PDZD2: variants seen among roughly 807,000 people sequenced by gnomAD.
The protein encoded by PDZD2 is PDZ domain containing 2, also known as PDZ domain-containing protein 2.
Under a neutral mutation model 220.7 loss-of-function variants are expected in PDZD2, and 90 were observed. The observed-to-expected ratio is 0.41, with a 90% CI of 0.34 to 0.49. PDZD2 has a LOEUF of 0.49. Ranked by LOEUF, PDZD2 falls within the 20% of genes least tolerant of loss-of-function variation. The pLI, the probability that PDZD2 is intolerant of heterozygous loss-of-function variation, is 0.28. For synonymous variants in PDZD2, 1,375 were observed against 1,450.5 expected (o/e 0.95, Z 1.18); for missense variants, 3,174 against 3,608.5 (o/e 0.88, Z 3.08).
chr5:31,800,234 G>A (rs539542914), intron 2 of PDZD2, among the ~76,000 whole-genome samples: 15 of 152,266 alleles, frequency 9.9e-5, no homozygotes, highest in East Asian at 1.9e-4. Context: ...TCATTACACC[G>A]AAAGGACACA....
At chr5:31,811,116 C>G (rs1415450019) in intron 2 of PDZD2, among the ~76,000 whole-genome samples, 1 of 152,142 alleles carries the variant, frequency 6.6e-6, no homozygotes. Flanking sequence ...AGCTCTGAAG[C>G]AGCTGGGACT....
At chr5:32,037,611 T>A (rs1481163117) in intron 7 of PDZD2, among the ~76,000 whole-genome samples, 3 of 152,178 alleles carry the variant, frequency 2.0e-5, no homozygotes, top group African/African-American at 7.2e-5. Flanking sequence ...GTTTGGTTCG[T>A]TTACTTCGAT....
chr5:31,852,486 A>G (rs1227432923), intron 2 of PDZD2, among the ~76,000 whole-genome samples: 1 of 151,942 alleles, frequency 6.6e-6, no homozygotes, highest in African/African-American at 2.4e-5. Flanking sequence ...GGGTTTCACC[A>G]TGTTGGCCAG....
At chr5:32,025,666 A>T (rs1754601382) in intron 6 of PDZD2, among the ~76,000 whole-genome samples, 1 of 124,368 alleles carries the variant, frequency 8.0e-6, no homozygotes, top group Admixed American at 9.6e-5. Context: ...CAGTGGCATG[A>T]TCTCGGCTCA....
At chr5:32,016,299 G>A (rs368775166) in intron 6 of PDZD2, among the ~76,000 whole-genome samples, 6 of 152,298 alleles carry the variant, frequency 3.9e-5, no homozygotes, top group African/African-American at 1.2e-4. Flanking sequence ...GGGCAGTAAG[G>A]ACTTCTGTTA....
chr5:31,982,431 C>T (rs1232215622), intron 2 of PDZD2, among the ~76,000 whole-genome samples: 1 of 152,180 alleles, frequency 6.6e-6, no homozygotes, highest in African/African-American at 2.4e-5. Context: ...CCTCAGCCTC[C>T]CGAGTAGCTG....
intron 2 of PDZD2, among the ~76,000 whole-genome samples, chr5:31,902,920 A>G (rs894626612): frequency 1.3e-5 from 2 of 151,872 alleles, no homozygotes; most frequent in African/African-American, 2.4e-5. Flanking sequence ...TTGCATGTCA[A>G]TTTCTCATTG....
At chr5:31,984,092 C>T (rs1750522729) in intron 3 of PDZD2, among the ~76,000 whole-genome samples, 1 of 152,174 alleles carries the variant, frequency 6.6e-6, no homozygotes, top group Non-Finnish European at 1.5e-5. Context: ...ATCTAAGCCT[C>T]AGTATTACAC....
At chr5:31,854,467 A>G (rs1018602506) in intron 2 of PDZD2, among the ~76,000 whole-genome samples, 1 of 152,256 alleles carries the variant, frequency 6.6e-6, no homozygotes, top group Admixed American at 6.5e-5. Context: ...GGATTTCTGG[A>G]AAGTTCCCTG....
At chr5:32,033,680 C>T (rs1207884400) in intron 6 of PDZD2, among the ~76,000 whole-genome samples, 3 of 151,664 alleles carry the variant, frequency 2.0e-5, no homozygotes, top group East Asian at 3.9e-4. Flanking sequence ...AATGCAGTGG[C>T]GCGATCTCGG....
At chr5:32,016,119 A>G (rs544414969) in intron 6 of PDZD2, among the ~76,000 whole-genome samples, 10 of 152,314 alleles carry the variant, frequency 6.6e-5, no homozygotes, top group African/African-American at 2.2e-4. Context: ...TGAGTCTGAT[A>G]TGGGTGTTTG....
At chr5:32,085,254 CTT>C (rs145147102) in intron 19 of PDZD2, among the ~76,000 whole-genome samples, 7 of 126,306 alleles carry the variant, frequency 5.5e-5, no homozygotes, top group Admixed American at 7.7e-5. Context: ...GCCCAGCTGC[CTT>C]TTTTTTTTTT....
intron 1 of PDZD2, among the ~76,000 whole-genome samples, chr5:31,649,262 C>A (rs555380198): frequency 2.4e-4 from 37 of 152,092 alleles, no homozygotes; most frequent in Middle Eastern, 3.2e-3. Context: ...GTGATTCAGG[C>A]TCCTTGCCCC....
intron 2 of PDZD2, among the ~76,000 whole-genome samples, chr5:31,896,628 AC>A (rs1162582449): frequency 7.2e-5 from 11 of 152,198 alleles, no homozygotes; most frequent in African/African-American, 2.7e-4. Context: ...CTTTAGAGAT[AC>A]ATACGAATTT....
chr5:31,693,344 C>G (rs1290861048), intron 1 of PDZD2, among the ~76,000 whole-genome samples: 1 of 146,944 alleles, frequency 6.8e-6, no homozygotes, highest in East Asian at 2.1e-4. Context: ...CGGATTTAAG[C>G]GATTCTTCGG....
chr5:31,772,713 C>T (rs566403178), intron 1 of PDZD2, among the ~76,000 whole-genome samples: 13 of 152,098 alleles, frequency 8.5e-5, no homozygotes, highest in Admixed American at 1.3e-4. Context: ...GTCAACAAGA[C>T]TTTGGAATCA....
chr5:31,670,000 T>C (rs150749142), intron 1 of PDZD2, among the ~76,000 whole-genome samples: 3 of 152,188 alleles, frequency 2.0e-5, no homozygotes, highest in Non-Finnish European at 2.9e-5. Flanking sequence ...AATGTTCCCA[T>C]TTTACAGGTG....
chr5:31,667,273 G>A (rs907686639), intron 1 of PDZD2, among the ~76,000 whole-genome samples: 11 of 145,410 alleles, frequency 7.6e-5, no homozygotes, highest in Admixed American at 2.1e-4. Flanking sequence ...CCTGCTGCCT[G>A]CTGTGTGCCT....
At chr5:31,984,780 A>T (rs187060294) in intron 3 of PDZD2, among the ~76,000 whole-genome samples, 139 of 152,310 alleles carry the variant, frequency 9.1e-4, no homozygotes, top group African/African-American at 3.2e-3. Flanking sequence ...GTGAGCCAAG[A>T]TTCTACCACT....
Sources: gnomAD v4.1 joint callset for allele counts (sites outside exome capture counted in the v4.1 genomes callset) on GRCh38, gnomAD v4.1.1 for gene constraint, MANE v1.5 for transcripts, NCBI Gene and HGNC (gene_info 2026-07-23, HGNC 2026-07-21) for gene names.